Variants in TINAG observed in about 807,000 individuals in gnomAD.
The protein encoded by TINAG is tubulointerstitial nephritis antigen.
In TINAG, 83 loss-of-function variants were observed where a neutral mutation model predicts 72.7. The ratio of observed to expected loss-of-function variants is 1.14; its 90% confidence interval spans 0.96 to 1.37. TINAG has a LOEUF of 1.37. TINAG is among the 40% of genes most tolerant of loss of function. The pLI, the probability that TINAG is intolerant of heterozygous loss-of-function variation, is 0.00. For missense variants in TINAG, 685 were observed against 576.6 expected, an observed-to-expected ratio of 1.19 and a Z score of -1.93; for synonymous variants, 234 against 189.9, an observed-to-expected ratio of 1.23 and a Z score of -1.91.
intron 3 of TINAG, among the ~76,000 whole-genome samples, chr6:54,322,641 T>A (rs1289049947): frequency 6.6e-6 from 1 of 152,352 alleles, no homozygotes; most frequent in Middle Eastern, 3.4e-3. Flanking sequence ...AATTTCAATG[T>A]ATTCAAAGTT....
chr6:54,335,839 GATAGACT>G (rs1562158216), intron 4 of TINAG, among the ~76,000 whole-genome samples: 1 of 152,162 alleles, frequency 6.6e-6, no homozygotes, highest in Admixed American at 6.5e-5. Flanking sequence ...TTCAATGCAT[GATAGACT>G]ATACATACAG....
At chr6:54,311,077 T>TTTATATAC (rs1784245545) in intron 1 of TINAG, among the ~76,000 whole-genome samples, 1 of 152,150 alleles carries the variant, frequency 6.6e-6, no homozygotes, top group East Asian at 1.9e-4. Flanking sequence ...TTAAAACATT[T>TTTATATAC]TTATATACCC....
At chr6:54,384,925 C>T (rs1384494347) in intron 10 of TINAG, among the ~76,000 whole-genome samples, 2 of 151,946 alleles carry the variant, frequency 1.3e-5, no homozygotes, top group African/African-American at 4.8e-5. Context: ...CAATATTGAC[C>T]ACATGCTGGT....
chr6:54,314,866 T>C (rs560445145), intron 1 of TINAG, among the ~76,000 whole-genome samples: 18 of 152,278 alleles, frequency 1.2e-4, no homozygotes, highest in Non-Finnish European at 2.5e-4. Context: ...GTAGAATTTA[T>C]GTTCCAGGTA....
At chr6:54,359,950 G>GGT (rs1763171040) in intron 9 of TINAG, among the ~76,000 whole-genome samples, 1 of 151,668 alleles carries the variant, frequency 6.6e-6, no homozygotes, top group African/African-American at 2.4e-5. Flanking sequence ...AATGTAACAC[G>GGT]ACAAATTCTG....
intron 10 of TINAG, among the ~76,000 whole-genome samples, chr6:54,385,290 G>T (rs1018166015): frequency 6.6e-6 from 1 of 151,922 alleles, no homozygotes; most frequent in Non-Finnish European, 1.5e-5. Context: ...GAGACAAATT[G>T]CCATAGAAAT....
intron 4 of TINAG, among the ~76,000 whole-genome samples, chr6:54,338,073 A>C (rs1784909726): frequency 6.6e-6 from 1 of 152,178 alleles, no homozygotes. Context: ...GTAAACTTAG[A>C]AAATATACGC....
At position 54,370,738 on chromosome 6, in the gene TINAG, G is replaced by A. The variant is rs9382328; in HGVS notation, c.1251-9788G>A. Among the ~76,000 whole-genome samples, 1,341 of 152,158 alleles carry A rather than the reference G, an allele frequency of 8.8e-3. 29 individuals carry two copies. The highest frequency in any genetic ancestry group is 0.053 in the East Asian group (274 of 5,162). ...ACTGTCGGAAGAGTAGAGGTGCAGA[G>A]GGCCCTGGGGATGTTGAAACTGATA... On this transcript the variant is annotated intron_variant, in intron 9 of 10. Transcript: ENST00000259782.
At chr6:54,379,536 T>C (rs1453313427) in intron 9 of TINAG, among the ~76,000 whole-genome samples, 1 of 152,110 alleles carries the variant, frequency 6.6e-6, no homozygotes, top group Non-Finnish European at 1.5e-5. Context: ...AAAGCCACTT[T>C]ATAAAATAAT....
At chr6:54,366,962 C>T (rs1763448655) in intron 9 of TINAG, 1 of 151,490 alleles carries the variant, frequency 6.6e-6, no homozygotes, top group African/African-American at 2.4e-5. Context: ...TAAGAGGTAG[C>T]CAAGACAGGG....
chr6:54,330,600 AAGATC>A (rs1309509703), intron 4 of TINAG, among the ~76,000 whole-genome samples: 2 of 152,180 alleles, frequency 1.3e-5, no homozygotes. Flanking sequence ...AGAAATAACT[AAGATC>A]AGAGCAGAAA....
chr6:54,314,022 A>G (rs1784317320), intron 1 of TINAG, among the ~76,000 whole-genome samples: 1 of 152,180 alleles, frequency 6.6e-6, no homozygotes. Context: ...CTTAGGATCT[A>G]CATGGGTAAG....
intron 1 of TINAG, among the ~76,000 whole-genome samples, chr6:54,311,941 A>G (rs923821348): frequency 1.3e-5 from 2 of 152,148 alleles, no homozygotes; most frequent in African/African-American, 4.8e-5. Flanking sequence ...ATATTTCTCC[A>G]CTTACTCTGA....
intron 5 of TINAG, among the ~76,000 whole-genome samples, chr6:54,346,486 A>G (rs1414862368): frequency 1.3e-5 from 2 of 151,598 alleles, no homozygotes; most frequent in Non-Finnish European, 2.9e-5. Flanking sequence ...TTAGTTGTAT[A>G]TAGCATCACA....
rs75177194 is a variant in TINAG at position 54,357,122 on chromosome 6, A to G, written c.1250+2486A>G. Among the ~76,000 whole-genome samples, 356 of 152,068 alleles carry G rather than the reference A, an allele frequency of 2.3e-3. 1 individual carries two copies. Among genetic ancestry groups the G allele is most frequent in the African/African-American group, 7.7e-3 (321 of 41,540 alleles). ...TATTTCAAGGTTATCAAAGGCATCC[A>G]CATTGCTAAATTCATTGGTCAGATC... On this transcript the variant is annotated intron_variant, in intron 9 of 10. Transcript: ENST00000259782.
intron 10 of TINAG, among the ~76,000 whole-genome samples, chr6:54,384,204 C>T (rs989982476): frequency 2.6e-5 from 4 of 151,796 alleles, no homozygotes; most frequent in African/African-American, 7.3e-5. Context: ...GGCCTGTTCA[C>T]GGGTGGGGGG....
intron 3 of TINAG, among the ~76,000 whole-genome samples, 160 bp from the exon 4 acceptor site, chr6:54,326,642 A>G (rs1411434346): frequency 6.6e-6 from 1 of 152,206 alleles, no homozygotes; most frequent in African/African-American, 2.4e-5. Context: ...AATAATCAAT[A>G]ATGCATCATT....
At chr6:54,388,059 T>G (rs1341089774) in intron 10 of TINAG, among the ~76,000 whole-genome samples, 1 of 152,182 alleles carries the variant, frequency 6.6e-6, no homozygotes, top group African/African-American at 2.4e-5. Flanking sequence ...ATTATGAAAT[T>G]TTGGATAGTA....
intron 1 of TINAG, among the ~76,000 whole-genome samples, chr6:54,312,222 C>T (rs976534845): frequency 6.6e-6 from 1 of 151,972 alleles, no homozygotes; most frequent in Non-Finnish European, 1.5e-5. Context: ...CCATGCCTGG[C>T]TATTTTTTTG....
Sources: gnomAD v4.1 joint callset for allele counts (sites outside exome capture counted in the v4.1 genomes callset) on GRCh38, gnomAD v4.1.1 for gene constraint, MANE v1.5 for transcripts, NCBI Gene and HGNC (gene_info 2026-07-23, HGNC 2026-07-21) for gene names.